Variants in ERC2 observed in about 807,000 individuals in gnomAD.
ERC2 encodes ERC protein 2.
Under a neutral mutation model 114.8 loss-of-function variants are expected in ERC2, and 42 were observed. The ratio of observed to expected loss-of-function variants is 0.37; its 90% CI spans 0.29 to 0.47. The LOEUF (loss-of-function observed/expected upper bound fraction) is 0.47. Ranked by LOEUF, ERC2 falls within the 20% of genes least tolerant of loss-of-function variation. The pLI is 0.99. For missense variants in ERC2, 939 were observed against 1,150.7 expected (o/e 0.82, Z 2.66); for synonymous variants, 454 against 425.5 (o/e 1.07, Z -0.82).
intron 2 of ERC2, among the ~76,000 whole-genome samples, chr3:56,353,971 G>A (rs1183259443): frequency 6.6e-6 from 1 of 151,968 alleles, no homozygotes; most frequent in Non-Finnish European, 1.5e-5. Context: ...TGGGAAAACT[G>A]AGGCATAGAG....
At chr3:56,314,097 T>C (rs943885218) in intron 2 of ERC2, among the ~76,000 whole-genome samples, 108 of 152,220 alleles carry the variant, frequency 7.1e-4, no homozygotes, top group African/African-American at 2.4e-3. Flanking sequence ...TGATTTACTA[T>C]CCCAAATTAA....
chr3:55,679,331 C>G (rs1005281521), intron 17 of ERC2, among the ~76,000 whole-genome samples: 3 of 152,202 alleles, frequency 2.0e-5, no homozygotes, highest in Non-Finnish European at 4.4e-5. Flanking sequence ...CCTGACTCTC[C>G]CCTTTTAAGA....
At chr3:56,432,102 A>G (rs1188670150) in intron 2 of ERC2, among the ~76,000 whole-genome samples, 2 of 152,220 alleles carry the variant, frequency 1.3e-5, no homozygotes, top group African/African-American at 2.4e-5. Context: ...ATATGTCACT[A>G]AAATGTATCT....
chr3:55,859,299 G>A (rs1007426374), intron 14 of ERC2, among the ~76,000 whole-genome samples: 3 of 151,890 alleles, frequency 2.0e-5, no homozygotes, highest in East Asian at 1.9e-4. Flanking sequence ...TTTCTTCTTC[G>A]CTTCCACCCA....
intron 17 of ERC2, among the ~76,000 whole-genome samples, chr3:55,628,717 G>T (rs150586720): frequency 6.6e-6 from 1 of 152,144 alleles, no homozygotes; most frequent in Non-Finnish European, 1.5e-5. Flanking sequence ...AAAGCGGAAG[G>T]CTTCTAGATG....
chr3:55,920,769 A>G (rs1185706894), intron 13 of ERC2, among the ~76,000 whole-genome samples: 1 of 152,144 alleles, frequency 6.6e-6, no homozygotes, highest in Non-Finnish European at 1.5e-5. Flanking sequence ...GGAGGTTAAT[A>G]ATGATAACAG....
At chr3:55,952,182 C>CTATATATATATATATATA (rs1559923074) in intron 12 of ERC2, among the ~76,000 whole-genome samples, 1 of 71,482 alleles carries the variant, frequency 1.4e-5, no homozygotes, top group Non-Finnish European at 2.8e-5. Flanking sequence ...CACACACACT[C>CTATATATATATATATATA]TCTCTCTCTC....
intron 14 of ERC2, among the ~76,000 whole-genome samples, chr3:55,838,556 A>G (rs1232649782): frequency 6.6e-6 from 1 of 152,034 alleles, no homozygotes; most frequent in African/African-American, 2.4e-5. Context: ...TAAAACAGCA[A>G]TTAGAGAGAA....
At chr3:55,931,904 G>A (rs1274043053) in intron 13 of ERC2, among the ~76,000 whole-genome samples, 1 of 152,116 alleles carries the variant, frequency 6.6e-6, no homozygotes, top group Non-Finnish European at 1.5e-5. Flanking sequence ...TGCTTAAGCT[G>A]TTTTCTGCAT....
Position 55,645,936 on chromosome 3 carries a change from T to C in ERC2, c.*39+37858A>G. On this transcript the variant is annotated intron_variant, in intron 17 of 17. Coordinates refer to ENST00000288221, the MANE Select transcript of ERC2 (RefSeq NM_015576.3). ...TCAGTGCATTCTTCCAAAAAAGCCA[T>C]GTTGCACATAGTGGCTGGTGAGGGG... Among the ~76,000 whole-genome samples the C allele has an allele frequency of 1.3e-5, 2 of 152,290 alleles. 1 individual carries two copies. Among genetic ancestry groups the C allele is most frequent in the South Asian group, 4.1e-4 (2 of 4,830 alleles).
chr3:56,084,754 A>G (rs2077414813), intron 6 of ERC2, among the ~76,000 whole-genome samples: 1 of 152,062 alleles, frequency 6.6e-6, no homozygotes, highest in African/African-American at 2.4e-5. Context: ...TACTGGGTGC[A>G]AGGTACACTA....
intron 1 of ERC2, among the ~76,000 whole-genome samples, chr3:56,456,426 G>A (rs536656508): frequency 6.6e-6 from 1 of 152,244 alleles, no homozygotes; most frequent in East Asian, 1.9e-4. Flanking sequence ...TTAAAAAGCT[G>A]AACAAACAAA....
chr3:56,077,436 C>T (rs970119885), intron 7 of ERC2, among the ~76,000 whole-genome samples: 46 of 152,142 alleles, frequency 3.0e-4, no homozygotes, highest in Non-Finnish European at 6.0e-4. Flanking sequence ...CCGAAAGGAG[C>T]CATAATATAC....
chr3:56,010,411 G>T, intron 9 of ERC2, 38 bp downstream of exon 9: 1 of 1,602,952 alleles, frequency 6.2e-7, no homozygotes, highest in South Asian at 1.1e-5. Flanking sequence ...GGGTTTATGA[G>T]GACTATCAAT....
intron 17 of ERC2, among the ~76,000 whole-genome samples, chr3:55,664,467 C>A (rs2061272426): frequency 6.6e-6 from 1 of 152,190 alleles, no homozygotes; most frequent in Non-Finnish European, 1.5e-5. Flanking sequence ...AGAGGGCACC[C>A]CCACTTTCAA....
At chr3:56,078,200 A>G (rs556268960) in intron 7 of ERC2, among the ~76,000 whole-genome samples, 1 of 152,206 alleles carries the variant, frequency 6.6e-6, no homozygotes, top group Non-Finnish European at 1.5e-5. Context: ...GAGGAAGAGG[A>G]TCCAATGACC....
At chr3:55,745,185 C>T (rs939202228) in intron 14 of ERC2, among the ~76,000 whole-genome samples, 1 of 152,186 alleles carries the variant, frequency 6.6e-6, no homozygotes, top group African/African-American at 2.4e-5. Flanking sequence ...GAGGAGTCTG[C>T]TGACCACAGA....
chr3:55,991,462 C>G (rs1312886789), intron 11 of ERC2, among the ~76,000 whole-genome samples: 1 of 152,160 alleles, frequency 6.6e-6, no homozygotes, highest in Non-Finnish European at 1.5e-5. Flanking sequence ...AATCTAAATA[C>G]TCTGATGCAA....
At chr3:55,865,426 C>T (rs796087614) in intron 14 of ERC2, among the ~76,000 whole-genome samples, 12 of 152,210 alleles carry the variant, frequency 7.9e-5, no homozygotes, top group African/African-American at 2.4e-4. Flanking sequence ...TTGCAGATTT[C>T]GGAGCACTCT....
Sources: gnomAD v4.1 joint callset for allele counts (sites outside exome capture counted in the v4.1 genomes callset) on GRCh38, gnomAD v4.1.1 for gene constraint, MANE v1.5 for transcripts, NCBI Gene and HGNC (gene_info 2026-07-23, HGNC 2026-07-21) for gene names.